NXPE1: variants seen among roughly 807,000 people sequenced by gnomAD.
The protein encoded by NXPE1 is neurexophilin and PC-esterase domain family member 1, also known as NXPE family member 1.
A neutral mutation model predicts 33.3 loss-of-function variants in NXPE1; 31 were observed. That is an observed-to-expected ratio of 0.93 (90% confidence interval 0.70 to 1.26). NXPE1 has a LOEUF of 1.26. Among genes scored for constraint, NXPE1 ranks in the 50% most tolerant of loss-of-function variants. The probability of loss-of-function intolerance (pLI) is 0.00; values close to 1 mark genes in which losing one functional copy is unlikely to be tolerated. For missense variants in NXPE1, 661 were observed against 655.6 expected, an observed-to-expected ratio of 1.01 and a Z score of -0.09; for synonymous variants, 229 against 231.4, an observed-to-expected ratio of 0.99 and a Z score of 0.09.
chr11:114,534,908 T>G (rs1947739492), intron 5 of NXPE1, among the ~76,000 whole-genome samples: 1 of 152,078 alleles, frequency 6.6e-6, no homozygotes, highest in African/African-American at 2.4e-5. Flanking sequence ...AGGCCAACAT[T>G]CAAATTCAGG....
chr11:114,537,262 G>T (rs978357063), intron 5 of NXPE1, among the ~76,000 whole-genome samples: 1 of 152,144 alleles, frequency 6.6e-6, no homozygotes, highest in Non-Finnish European at 1.5e-5. Context: ...AATAAATTAG[G>T]TATTGATGGG....
chr11:114,557,941 A>G lies in NXPE1; in HGVS notation c.-211+1857T>C, dbSNP rs1591313663. Among the ~76,000 whole-genome samples, 4 of 151,990 alleles carry G rather than the reference A, an allele frequency of 2.6e-5. No individual in the cohort carries two copies. The South Asian group carries it at 8.3e-4, about 31-fold the overall frequency. ...TTTGTTTTTGGTGGTTAAAAGCATC[A>G]GCACTTTGAATATGTTACCTCATTT... On this transcript the variant is annotated intron_variant, in intron 1 of 8. Transcript: ENST00000534921.
intron 5 of NXPE1, among the ~76,000 whole-genome samples, chr11:114,531,774 AC>A (rs1947593420): frequency 6.6e-6 from 1 of 152,090 alleles, no homozygotes; most frequent in Non-Finnish European, 1.5e-5. Context: ...ATTCCCCCAA[AC>A]CACCTAAACA....
chr11:114,549,272 G>A (rs1010422574), intron 5 of NXPE1, among the ~76,000 whole-genome samples: 20 of 151,878 alleles, frequency 1.3e-4, no homozygotes, highest in Non-Finnish European at 2.1e-4. Context: ...CAATTCTTAC[G>A]AAATAAGTAT....
rs534793370 is a variant in NXPE1, at chr11:114,536,609, G to A, written c.100-5701C>T. On this transcript the variant is annotated intron_variant, in intron 5 of 8. Coordinates refer to ENST00000534921, the Ensembl canonical transcript of NXPE1. ...AAATGACAAAGGGGATATCACCACC[G>A]ATCCCACAGAAATACAAACTACCAT... is the stretch of plus-strand genomic sequence containing the variant. Among the ~76,000 whole-genome samples, 30 of 152,194 alleles carry A rather than the reference G, an allele frequency of 2.0e-4. No individual in the cohort carries two copies. In the South Asian group the frequency reaches 4.6e-3, roughly 23 times the overall value.
intron 6 of NXPE1, 114 bp from the exon 7 acceptor site, chr11:114,528,015 T>G: frequency 1.5e-6 from 1 of 664,944 alleles, no homozygotes; most frequent in African/African-American, 1.8e-5. Flanking sequence ...TGGAAGCTGT[T>G]ATTATTGTTG....
At chr11:114,554,161 C>T in intron 1 of NXPE1, 1 of 985,424 alleles carries the variant, frequency 1.0e-6, no homozygotes, top group Non-Finnish European at 1.2e-6. Context: ...ATGTACAGAG[C>T]CCGCTAGTTG....
chr11:114,530,964 C>G, intron 5 of NXPE1, 56 bp from the exon 6 acceptor site: 1 of 1,466,696 alleles, frequency 6.8e-7, no homozygotes, highest in East Asian at 2.3e-5. Flanking sequence ...ATCATTTTTA[C>G]TTATTATGAG....
chr11:114,527,100 T>C (rs974777166), intron 7 of NXPE1: 3 of 152,302 alleles, frequency 2.0e-5, no homozygotes, highest in African/African-American at 4.8e-5. Context: ...ATGCCTGATA[T>C]CTATTCAGTG....
intron 5 of NXPE1, among the ~76,000 whole-genome samples, chr11:114,535,892 G>A (rs371751394): frequency 1.3e-5 from 2 of 152,126 alleles, no homozygotes; most frequent in Non-Finnish European, 2.9e-5. Context: ...AAGTTAACAA[G>A]GATATACAGG....
At chr11:114,557,630 AATACATAT>A (rs1565320644) in intron 1 of NXPE1, among the ~76,000 whole-genome samples, 1 of 76,996 alleles carries the variant, frequency 1.3e-5, no homozygotes, top group Non-Finnish European at 2.5e-5. Flanking sequence ...TATTATATAT[AATACATAT>A]ATATATATAT....
Position 114,530,511 on chromosome 11 carries a change from A to AC in NXPE1, c.496dup (p.Val166GlyfsTer22). The AC allele has an allele frequency of 6.2e-7, 1 of 1,613,900 alleles. No homozygotes were observed. Among genetic ancestry groups the AC allele is most frequent in the South Asian group, 1.1e-5 (1 of 91,042 alleles). On this transcript the variant is annotated frameshift_variant, in exon 6 of 9. Transcript: ENST00000534921. LOFTEE classifies it high-confidence loss of function. Reference sequence around the variant, plus strand: ...GCCCTCCCAGAACAGAGTGAAGCTGACCAGGTAGGTGCCATTGTTGAAGTC... The same window carrying AC: ...GCCCTCCCAGAACAGAGTGAAGCTGACCCAGGTAGGTGCCATTGTTGAAGTC...
At chr11:114,534,389 C>G (rs1446269744) in intron 5 of NXPE1, among the ~76,000 whole-genome samples, 1 of 152,174 alleles carries the variant, frequency 6.6e-6, no homozygotes, top group Non-Finnish European at 1.5e-5. Context: ...TCTTCTCCTC[C>G]AAAGGAACGC....
chr11:114,522,265 A>G, exon 9 of NXPE1: 1 of 1,614,062 alleles, frequency 6.2e-7, no homozygotes, highest in Non-Finnish European at 8.5e-7. Flanking sequence ...TGCGAATAAA[A>G]ATGTCAATGG....
chr11:114,554,392 G>C (rs963061403), intron 1 of NXPE1: 5 of 984,986 alleles, frequency 5.1e-6, no homozygotes, highest in Admixed American at 6.1e-5. Flanking sequence ...CAGAGGTGAT[G>C]ACAATATTCC....
intron 1 of NXPE1, among the ~76,000 whole-genome samples, chr11:114,557,988 C>A (rs1282423764): frequency 6.6e-6 from 1 of 151,880 alleles, no homozygotes; most frequent in African/African-American, 2.4e-5. Context: ...CCCTAACTGC[C>A]CTTTGTTCCT....
chr11:114,527,796 AG>A, intron 7 of NXPE1, 43 bp downstream of exon 7: 1 of 1,413,102 alleles, frequency 7.1e-7, no homozygotes. Flanking sequence ...TGCTGATAAA[AG>A]TTTCCTCTGA....
chr11:114,534,793 A>C (rs1382670659), intron 5 of NXPE1, among the ~76,000 whole-genome samples: 1 of 152,240 alleles, frequency 6.6e-6, no homozygotes, highest in Non-Finnish European at 1.5e-5. Context: ...AAAAGACCAA[A>C]TCTACGTCTA....
Position 114,555,049 on chromosome 11 carries a change from T to G in NXPE1, c.-210-2169A>C, listed in dbSNP as rs1260862945. On this transcript the variant is annotated intron_variant, in intron 1 of 8. Transcript: ENST00000534921. ...TTGCATCTTGGGAGTCCTTTTTTTTTTTTCATGGCAGTCCAGCCTGTCTAC... is the reference window on the plus strand; with the variant it reads ...TTGCATCTTGGGAGTCCTTTTTTTTGTTTCATGGCAGTCCAGCCTGTCTAC... 2.6e-5 allele frequency among the ~76,000 whole-genome samples: 4 copies of G among 152,256 alleles called. No individual in the cohort carries two copies. The East Asian group carries it at 7.7e-4, about 29-fold the overall frequency.
Sources: allele counts gnomAD v4.1 joint callset (sites outside exome capture counted in the v4.1 genomes callset), GRCh38; gene constraint gnomAD v4.1.1; transcripts MANE v1.5; gene names NCBI Gene and HGNC (gene_info 2026-07-23, HGNC 2026-07-21).